RAD54B: variants seen among roughly 807,000 people sequenced by gnomAD.
RAD54B encodes the protein DNA repair and recombination protein RAD54B.
A neutral mutation model predicts 95.8 loss-of-function variants in RAD54B; 78 were observed. The ratio of observed to expected loss-of-function variants is 0.81; its 90% CI spans 0.68 to 0.98. The LOEUF is 0.98. Among genes scored for constraint, RAD54B ranks in the 50% least tolerant of loss-of-function variants. The probability of loss-of-function intolerance (pLI) is 0.00; values close to 1 mark genes in which losing one functional copy is unlikely to be tolerated. For missense variants in RAD54B, 957 were observed against 1,056.6 expected, an observed-to-expected ratio of 0.91 and a Z score of 1.31; for synonymous variants, 328 against 354.9, an observed-to-expected ratio of 0.92 and a Z score of 0.85.
At chr8:94,429,136 G>A in intron 3 of RAD54B, 1 of 983,248 alleles carries the variant, frequency 1.0e-6, no homozygotes, top group Non-Finnish European at 1.2e-6. Flanking sequence ...GTGTGATTCT[G>A]GTGTTTAAAA....
At chr8:94,412,672 A>T (rs890963918) in intron 3 of RAD54B, among the ~76,000 whole-genome samples, 1 of 152,164 alleles carries the variant, frequency 6.6e-6, no homozygotes, top group African/African-American at 2.4e-5. Context: ...ATAAAATTTT[A>T]AAAACAAAAT....
intron 3 of RAD54B, among the ~76,000 whole-genome samples, chr8:94,437,207 T>C (rs1021760233): frequency 6.6e-6 from 1 of 152,222 alleles, no homozygotes; most frequent in Non-Finnish European, 1.5e-5. Flanking sequence ...TTAGCTAATT[T>C]AGTGAGAATA....
chr8:94,453,518 GA>G (rs1812713948), intron 3 of RAD54B, among the ~76,000 whole-genome samples: 1 of 152,060 alleles, frequency 6.6e-6, no homozygotes. Context: ...GACAGAGCAA[GA>G]CTCCGTCTCA....
chr8:94,451,032 T>C (rs1478535954), intron 3 of RAD54B, among the ~76,000 whole-genome samples: 1 of 152,190 alleles, frequency 6.6e-6, no homozygotes, highest in Non-Finnish European at 1.5e-5. Context: ...TAAATATAGA[T>C]GTAATCATAT....
At chr8:94,433,309 G>A (rs1812164327) in intron 3 of RAD54B, among the ~76,000 whole-genome samples, 1 of 151,988 alleles carries the variant, frequency 6.6e-6, no homozygotes, top group African/African-American at 2.4e-5. Flanking sequence ...TGACTCAGAT[G>A]CTGTTTAAGT....
intron 3 of RAD54B, among the ~76,000 whole-genome samples, chr8:94,452,866 A>G (rs541324897): frequency 9.8e-5 from 15 of 152,320 alleles, no homozygotes; most frequent in African/African-American, 3.6e-4. Flanking sequence ...TGAAAGCACA[A>G]CAAAATAACA....
intron 14 of RAD54B, among the ~76,000 whole-genome samples, chr8:94,374,217 G>A (rs58765294): frequency 1.3e-5 from 2 of 151,766 alleles, no homozygotes; most frequent in African/African-American, 4.8e-5. Flanking sequence ...AGGCGGAGCT[G>A]GCAGTGAGCC....
intron 3 of RAD54B, among the ~76,000 whole-genome samples, chr8:94,416,422 T>C (rs111331859): frequency 6.6e-5 from 10 of 151,616 alleles, no homozygotes; most frequent in African/African-American, 1.9e-4. Flanking sequence ...TGCTAAATGA[T>C]GAGTTAATGG....
intron 3 of RAD54B, among the ~76,000 whole-genome samples, chr8:94,424,254 C>T (rs1426480596): frequency 6.6e-6 from 1 of 152,196 alleles, no homozygotes; most frequent in African/African-American, 2.4e-5. Context: ...CTCTTACTAG[C>T]TCTATGACCC....
At chr8:94,449,002 C>A (rs1812587665) in intron 3 of RAD54B, among the ~76,000 whole-genome samples, 1 of 151,656 alleles carries the variant, frequency 6.6e-6, no homozygotes, top group South Asian at 2.1e-4. Flanking sequence ...TTTACTGTCT[C>A]TATATATGTA....
intron 3 of RAD54B, among the ~76,000 whole-genome samples, chr8:94,422,618 ATATATATATATATAT>A (rs1489403512): frequency 7.9e-4 from 19 of 24,126 alleles, no homozygotes; most frequent in African/African-American, 3.5e-3. Flanking sequence ...AAAAAAAAAA[ATATATATATATATAT>A]ATATATATAT....
chr8:94,443,948 TAAAAA>T (rs1302240674), intron 3 of RAD54B, among the ~76,000 whole-genome samples: 1 of 152,006 alleles, frequency 6.6e-6, no homozygotes, highest in Non-Finnish European at 1.5e-5. Flanking sequence ...TATCAATAAA[TAAAAA>T]TAAACTGTAA....
At chr8:94,379,597 A>G (rs1332706045) in intron 12 of RAD54B, among the ~76,000 whole-genome samples, 3 of 152,190 alleles carry the variant, frequency 2.0e-5, no homozygotes, top group Non-Finnish European at 4.4e-5. Flanking sequence ...CTTCTAGTGA[A>G]TCATTAAACC....
At chr8:94,408,143 C>T (rs1003688286) in intron 4 of RAD54B, among the ~76,000 whole-genome samples, 2 of 152,108 alleles carry the variant, frequency 1.3e-5, no homozygotes, top group Non-Finnish European at 2.9e-5. Context: ...CAACTGCTAC[C>T]ACAACTAGTA....
chr8:94,387,306 T>C, intron 10 of RAD54B, 147 bp from the exon 11 acceptor site: 1 of 618,814 alleles, frequency 1.6e-6, no homozygotes, highest in East Asian at 3.0e-5. Context: ...TTATAGGTCA[T>C]GATTTGATCA....
chr8:94,424,808 T>C (rs1249677346), intron 3 of RAD54B, among the ~76,000 whole-genome samples: 2 of 152,100 alleles, frequency 1.3e-5, no homozygotes, highest in Non-Finnish European at 2.9e-5. Flanking sequence ...ACACCTGTAA[T>C]CCCAGCACTT....
rs1811639935 is a variant in RAD54B at position 94,415,463 on chromosome 8, A to T, written c.305-4148T>A. 2.7e-5 allele frequency among the ~76,000 whole-genome samples: 4 copies of T among 150,488 alleles called. No homozygotes were observed. In the South Asian group the frequency reaches 8.6e-4, roughly 32 times the overall value. ...ATTCAGGACACAGGCATGGGCAAGG[A>T]CTTCATGTCTAAAACACCAAAAGCA... is the stretch of plus-strand genomic sequence containing the variant. On this transcript the variant is annotated intron_variant, in intron 3 of 14. Coordinates refer to ENST00000336148, the MANE Select transcript of RAD54B (RefSeq NM_012415.3).
At chr8:94,432,217 C>T (rs1444220300) in intron 3 of RAD54B, 1 of 1,550,250 alleles carries the variant, frequency 6.5e-7, no homozygotes, top group Non-Finnish European at 8.7e-7. Context: ...AGTAGCTCTT[C>T]CTCTAGCTGC....
At chr8:94,461,087 T>C (rs1282266446) in intron 2 of RAD54B, among the ~76,000 whole-genome samples, 1 of 151,620 alleles carries the variant, frequency 6.6e-6, no homozygotes, top group Non-Finnish European at 1.5e-5. Flanking sequence ...ACCACAGTAG[T>C]AAATGGTTGA....
Sources: allele counts gnomAD v4.1 joint callset (sites outside exome capture counted in the v4.1 genomes callset), GRCh38; gene constraint gnomAD v4.1.1; transcripts MANE v1.5; gene names NCBI Gene and HGNC (gene_info 2026-07-23, HGNC 2026-07-21).